Variants in FUT6 observed in about 807,000 individuals in gnomAD.
The protein encoded by FUT6 is fucosyltransferase 6.
For missense variants in FUT6, 454 were observed against 494.6 expected (o/e 0.92, Z 0.78); for synonymous variants, 187 against 209.9 (o/e 0.89, Z 0.94).
In FUT6 at chr19:5,832,662, AGCTGTTAT is replaced by A; in HGVS notation, c.-12-91_-12-84del. 1 of 1,045,558 alleles carries A rather than the reference AGCTGTTAT, an allele frequency of 9.6e-7. No individual in the cohort carries two copies. The highest frequency in any genetic ancestry group is 1.5e-6 in the Non-Finnish European group (1 of 680,008). The allele number at this position is 1,045,558 out of a possible 1,614,324, so 64.8% of individuals were successfully genotyped here. A position where few individuals can be genotyped will look rare whatever the true frequency, so the allele number is the denominator to read the frequency against. ...GCTCCAGGCCATGAGTCCTGAGAAG[AGCTGTTAT>A]TATTCCTGTTACACAGATGAGAAAA... On this transcript the variant is annotated intron_variant, in intron 2 of 2. Transcript: ENST00000318336. The surrounding 1 kb of genome is among the most constrained non-coding windows in gnomAD (Gnocchi z 4.3).
Position 5,832,596 on chromosome 19 carries a change from G to A in FUT6, c.-12-17C>T, listed in dbSNP as rs764810304. 6.4e-7 allele frequency: 1 copy of A among 1,563,666 alleles called. No individual in the cohort carries two copies. Among genetic ancestry groups the A allele is most frequent in the South Asian group, 1.1e-5 (1 of 90,118 alleles). ...TCAGAGTATCTGGGAAGTGGGGAGA[G>A]AGGAGTGAGGGTCATTGATGACAAT... On this transcript the variant is annotated splice_polypyrimidine_tract_variant and intron_variant, in intron 2 of 2. Coordinates refer to ENST00000318336, the MANE Select transcript of FUT6 (RefSeq NM_000150.4). The surrounding 1 kb of genome is among the most constrained non-coding windows in gnomAD (Gnocchi z 4.3).
At chr19:5,837,627 G>A (rs1045849633) in intron 1 of FUT6, among the ~76,000 whole-genome samples, 2 of 151,818 alleles carry the variant, frequency 1.3e-5, no homozygotes, top group Non-Finnish European at 2.9e-5. Flanking sequence ...TTAGCCAGGC[G>A]CGGTGGCGGG....
chr19:5,831,372 G>A lies in FUT6; in HGVS notation c.*116C>T, dbSNP rs771331798. ...CAACAGGTGACCGTCCCAGGCAGGT[G>A]AGTCCTCAGGCAGGTGAAGCTTCAG... is the stretch of plus-strand genomic sequence containing the variant. On this transcript the variant is annotated 3_prime_UTR_variant, in exon 3 of 3. Transcript: ENST00000318336. This position sits in a 1 kb window ranked among gnomAD's most constrained non-coding sequence, Gnocchi z 7.0. 11 of 1,609,960 alleles carry A rather than the reference G, an allele frequency of 6.8e-6. 1 individual carries two copies. In the South Asian group the frequency reaches 1.2e-4, roughly 18 times the overall value.
rs2057086153 is a variant in FUT6, at chr19:5,831,258, G to A, written c.*230C>T. 3.0e-5 allele frequency: 28 copies of A among 942,672 alleles called. No individual in the cohort carries two copies. In the South Asian group the frequency reaches 3.6e-4, roughly 12 times the overall value. The allele number at this position is 942,672 out of a possible 1,614,324, so 58.4% of individuals were successfully genotyped here. A position where few individuals can be genotyped will look rare whatever the true frequency, so the allele number is the denominator to read the frequency against. ...AGCCAGCATGTGAAATCCCAGGTAA[G>A]GGACATACCTGGCCACCGAAGACTC... On this transcript the variant is annotated 3_prime_UTR_variant, in exon 3 of 3. Coordinates refer to ENST00000318336, the MANE Select transcript of FUT6 (RefSeq NM_000150.4). This position sits in a 1 kb window ranked among gnomAD's most constrained non-coding sequence, Gnocchi z 7.0.
In FUT6 at chr19:5,830,980, TAAC is replaced by T; in HGVS notation, c.*505_*507del. On this transcript the variant is annotated 3_prime_UTR_variant, in exon 3 of 3. Transcript: ENST00000318336. ...TCTCTCTGCACCCCTCACAGGCGGC[TAAC>T]AACATCACAAACAAATCAGCCAGAA... The T allele has an allele frequency of 7.6e-6, 3 of 396,788 alleles. No individual in the cohort carries two copies. Among genetic ancestry groups the T allele is most frequent in the South Asian group, 7.2e-5 (3 of 41,778 alleles). 24.6% of individuals were successfully genotyped at this position (396,788 alleles called of 1,614,324 possible).
At chr19:5,834,675 C>T (rs1315219192) in intron 2 of FUT6, 1 of 152,314 alleles carries the variant, frequency 6.6e-6, no homozygotes, top group Non-Finnish European at 1.5e-5. Flanking sequence ...GCATGCGCGC[C>T]TGTATTCTCA....
Position 5,831,461 on chromosome 19 carries a change from TG to T in FUT6, c.*26del. 6.2e-7 allele frequency: 1 copy of T among 1,613,752 alleles called. No individual in the cohort carries two copies. The highest frequency in any genetic ancestry group is 8.5e-7 in the Non-Finnish European group (1 of 1,180,030). Reference sequence around the variant, plus strand: ...TGAGGCCCCAGGAAAATGAGGTTCCTGGCAGCCCAGGCCCCACACCAGCCTC... The same window carrying T: ...TGAGGCCCCAGGAAAATGAGGTTCCTGCAGCCCAGGCCCCACACCAGCCTC... On this transcript the variant is annotated 3_prime_UTR_variant, in exon 3 of 3. Coordinates refer to ENST00000318336, the MANE Select transcript of FUT6 (RefSeq NM_000150.4). The surrounding 1 kb of genome is among the most constrained non-coding windows in gnomAD (Gnocchi z 7.0).
rs2057082176 is a variant in FUT6 at position 5,830,987 on chromosome 19, A to T, written c.*501T>A. 1 of 412,544 alleles carries T rather than the reference A, an allele frequency of 2.4e-6. No homozygotes were observed. Among genetic ancestry groups the T allele is most frequent in the Non-Finnish European group, 4.5e-6 (1 of 220,396 alleles). 25.6% of individuals were successfully genotyped at this position (412,544 alleles called of 1,614,324 possible). ...GCACCCCTCACAGGCGGCTAACAAC[A>T]TCACAAACAAATCAGCCAGAACCAT... On this transcript the variant is annotated 3_prime_UTR_variant, in exon 3 of 3. Coordinates refer to ENST00000318336, the MANE Select transcript of FUT6 (RefSeq NM_000150.4).
chr19:5,831,634 G>C lies in FUT6; in HGVS notation c.934C>G (p.His312Asp). 2 of 1,613,516 alleles carry C rather than the reference G, an allele frequency of 1.2e-6. No homozygotes were observed. The highest frequency in any genetic ancestry group is 1.7e-6 in the Non-Finnish European group (2 of 1,179,976). The stretch of plus-strand genomic sequence containing the variant: ...CGAAAGTAGCTCAGGTAGCGGGCGT[G>C]GTCCTTGTCCAGCTCCTGCAGGTAC... ...ARYLQELDKDHARYLSYFRWR... is the reference protein window; with the variant it reads ...ARYLQELDKDDARYLSYFRWR... Residue 312 changes from histidine (H) to aspartate (D), a missense_variant, in exon 3 of 3, where the codon CAC becomes GAC. His to Asp is a moderately conservative substitution (Grantham distance 81). Coordinates refer to ENST00000318336, the MANE Select transcript of FUT6 (RefSeq NM_000150.4). The surrounding 1 kb of genome is among the most constrained non-coding windows in gnomAD (Gnocchi z 7.0).
chr19:5,837,964 A>C (rs1235596383), intron 1 of FUT6: 3 of 152,096 alleles, frequency 2.0e-5, no homozygotes, highest in Non-Finnish European at 2.9e-5. Flanking sequence ...GGGAGGTTGA[A>C]TTTTAACCAA....
At chr19:5,836,688 TTTA>T (rs1301044809) in intron 1 of FUT6, among the ~76,000 whole-genome samples, 1 of 152,070 alleles carries the variant, frequency 6.6e-6, no homozygotes, top group Non-Finnish European at 1.5e-5. Flanking sequence ...AATTTTATTA[TTTA>T]TTATTATTAT....
At chr19:5,833,465 G>A (rs2057136115) in intron 2 of FUT6, among the ~76,000 whole-genome samples, 2 of 150,880 alleles carry the variant, frequency 1.3e-5, no homozygotes, top group South Asian at 4.2e-4. Context: ...CTCCAGCCTG[G>A]GCAATGGAAT....
chr19:5,836,077 C>T (rs371199449), intron 1 of FUT6, among the ~76,000 whole-genome samples: 2 of 149,906 alleles, frequency 1.3e-5, no homozygotes, highest in East Asian at 2.0e-4. Flanking sequence ...TTAGTAGAGA[C>T]GGAGTTTCAC....
rs401508 is a variant in FUT6, at chr19:5,831,983, T to C, written c.585A>G (p.Ala195=). ...LSAKTELVAW[A]VSNWGPNSAR... Reference sequence around the variant, plus strand: ...CGGAGTTTGGCCCCCAGTTGGACACTGCCCAGGCCACCAGCTCGGTCTTGG... The same window carrying C: ...CGGAGTTTGGCCCCCAGTTGGACACCGCCCAGGCCACCAGCTCGGTCTTGG... Residue 195 remains alanine (A), a synonymous_variant, in exon 3 of 3, where the codon GCA becomes GCG. Transcript: ENST00000318336. This position sits in a 1 kb window ranked among gnomAD's most constrained non-coding sequence, Gnocchi z 7.0. 2.0e-4 allele frequency: 321 copies of C among 1,613,716 alleles called. 1 individual carries two copies. Among genetic ancestry groups the C allele is most frequent in the South Asian group, 7.2e-4 (66 of 91,068 alleles).
At position 5,831,926 on chromosome 19, in the gene FUT6, G is replaced by A. The variant is rs364587; in HGVS notation, c.642C>T (p.Ala214=). 2.0e-3 allele frequency: 3,173 copies of A among 1,613,588 alleles called. 7 individuals carry two copies. The highest frequency in any genetic ancestry group is 3.2e-3 in the South Asian group (288 of 90,874). ...ARVRYYQSLQ[A]HLKVDVYGRS... is the part of the protein sequence containing the mutation. Reference sequence around the variant, plus strand: ...GTCCGTACACGTCCACCTTGAGATGGGCCTGCAGGCTCTGGTAGTAGCGCA... The same window carrying A: ...GTCCGTACACGTCCACCTTGAGATGAGCCTGCAGGCTCTGGTAGTAGCGCA... Residue 214 remains alanine, a synonymous_variant, in exon 3 of 3, where the codon GCC becomes GCT. Coordinates refer to ENST00000318336, the MANE Select transcript of FUT6 (RefSeq NM_000150.4). This position sits in a 1 kb window ranked among gnomAD's most constrained non-coding sequence, Gnocchi z 7.0.
rs1304807673 is a variant in FUT6 at position 5,832,637 on chromosome 19, G to T, written c.-12-58C>A. The T allele has an allele frequency of 1.5e-6, 2 of 1,321,466 alleles. No homozygotes were observed. The highest frequency in any genetic ancestry group is 1.4e-5 in the African/African-American group (1 of 69,404). 81.9% of individuals were successfully genotyped at this position (1,321,466 alleles called of 1,614,324 possible). The stretch of plus-strand genomic sequence containing the variant: ...TGATGACAATCTCCTGCTTACCAAA[G>T]CTCCAGGCCATGAGTCCTGAGAAGA... On this transcript the variant is annotated intron_variant, in intron 2 of 2. Coordinates refer to ENST00000318336, the MANE Select transcript of FUT6 (RefSeq NM_000150.4). The surrounding 1 kb of genome is among the most constrained non-coding windows in gnomAD (Gnocchi z 4.3).
rs1289351603 is a variant in FUT6, at chr19:5,831,047, C to T, written c.*441G>A. 3.8e-6 allele frequency: 2 copies of T among 527,880 alleles called. No individual in the cohort carries two copies. The highest frequency in any genetic ancestry group is 3.8e-5 in the African/African-American group (2 of 52,436). 32.7% of individuals were successfully genotyped at this position (527,880 alleles called of 1,614,324 possible). On this transcript the variant is annotated 3_prime_UTR_variant, in exon 3 of 3. Transcript: ENST00000318336. This position sits in a 1 kb window ranked among gnomAD's most constrained non-coding sequence, Gnocchi z 7.0. Reference sequence around the variant, plus strand: ...GTGGGGCCCCATGGGTGCCAGTTCCCAGGGCCCAGTGCCCTCCAGGGTGAG... The same window carrying T: ...GTGGGGCCCCATGGGTGCCAGTTCCTAGGGCCCAGTGCCCTCCAGGGTGAG...
chr19:5,832,173 A>T lies in FUT6; in HGVS notation c.395T>A (p.Ile132Asn), dbSNP rs2057111071. The change falls in exon 3 of 3, where the codon ATC (isoleucine) becomes AAC (asparagine). Residue 132 changes from isoleucine (I) to asparagine (N), a missense_variant. Coordinates refer to ENST00000318336, the MANE Select transcript of FUT6 (RefSeq NM_000150.4). This position sits in a 1 kb window ranked among gnomAD's most constrained non-coding sequence, Gnocchi z 4.3. Reference sequence around the variant, plus strand: ...GCTTGGGGACTCCATGCTGAACCAGATCCATCGCTGCCCCTGCCGCCTCGG... The same window carrying T: ...GCTTGGGGACTCCATGCTGAACCAGTTCCATCGCTGCCCCTGCCGCCTCGG... The part of the protein sequence containing the change: ...RSPRRQGQRW[I>N]WFSMESPSHC... The T allele has an allele frequency of 1.9e-6, 3 of 1,613,232 alleles. No individual in the cohort carries two copies. The highest frequency in any genetic ancestry group is 2.5e-6 in the Non-Finnish European group (3 of 1,179,984).
At chr19:5,834,814 C>CA (rs5826905) in intron 2 of FUT6, 136 bp downstream of exon 2, 44,904 of 151,458 alleles carry the variant, frequency 0.3, 7,631 homozygotes, top group Non-Finnish European at 0.39. Context: ...ACAGCAACAA[C>CA]AAAAAAAACA....
Sources: allele counts gnomAD v4.1 joint callset (sites outside exome capture counted in the v4.1 genomes callset), GRCh38; gene constraint gnomAD v4.1.1; non-coding constraint Gnocchi (gnomAD v3.1); transcripts MANE v1.5; gene names NCBI Gene and HGNC (gene_info 2026-07-23, HGNC 2026-07-21).